The following NRCAM variants were observed in gnomAD, a reference collection of about 807,000 sequenced individuals.
The protein encoded by NRCAM is NgCAM-related cell adhesion molecule.
NRCAM carries 83 observed loss-of-function variants against 156.5 expected under a neutral mutation model. The observed-to-expected ratio is 0.53, with a 90% CI of 0.44 to 0.64. The LOEUF is 0.64. Among genes scored for constraint, NRCAM ranks in the 30% least tolerant of loss-of-function variants. NRCAM has a pLI of 0.00. For synonymous variants in NRCAM, 538 were observed against 563.9 expected (o/e 0.95, Z 0.65); for missense variants, 1,417 against 1,597.3 (o/e 0.89, Z 1.92).
intron 1 of NRCAM, among the ~76,000 whole-genome samples, chr7:108,427,611 T>C (rs1415483858): frequency 6.6e-6 from 1 of 152,210 alleles, no homozygotes; most frequent in Non-Finnish European, 1.5e-5. Flanking sequence ...TTTACCATGC[T>C]CACTTCACTA....
chr7:108,183,299 T>A (rs1203491952), intron 22 of NRCAM, among the ~76,000 whole-genome samples: 2 of 149,936 alleles, frequency 1.3e-5, no homozygotes, highest in Non-Finnish European at 3.0e-5. Flanking sequence ...AAACTTAGAC[T>A]GTTTTCCTCT....
chr7:108,277,496 C>A (rs777996198), intron 3 of NRCAM, among the ~76,000 whole-genome samples: 16 of 151,886 alleles, frequency 1.1e-4, no homozygotes, highest in Non-Finnish European at 1.9e-4. Flanking sequence ...GGTCTTCAAT[C>A]ACTGATATCC....
intron 2 of NRCAM, among the ~76,000 whole-genome samples, chr7:108,391,250 G>T (rs1427144447): frequency 6.6e-6 from 1 of 151,908 alleles, no homozygotes; most frequent in Admixed American, 6.6e-5. Context: ...TATGAATCTG[G>T]GTGCTCCTGT....
At chr7:108,179,335 G>A (rs1030222738) in intron 25 of NRCAM, among the ~76,000 whole-genome samples, 3 of 152,166 alleles carry the variant, frequency 2.0e-5, no homozygotes, top group Non-Finnish European at 4.4e-5. Context: ...GAGCTGGGAT[G>A]CAGGGTGGTT....
rs145021881 is a variant in NRCAM at position 108,412,622 on chromosome 7, G to C, written c.-331-13029C>G. 5.5e-4 allele frequency among the ~76,000 whole-genome samples: 83 copies of C among 152,186 alleles called. 1 individual carries two copies. Among genetic ancestry groups the C allele is most frequent in the Non-Finnish European group, 2.1e-4 (14 of 67,990 alleles). On this transcript the variant is annotated intron_variant, in intron 1 of 32. Transcript: ENST00000379028. The stretch of plus-strand genomic sequence containing the variant: ...ATATGTTAATAACTATAGTCATCAT[G>C]TTTTATAACAGATCTCTTGAATTTA...
chr7:108,221,188 C>CA (rs2092132158), intron 11 of NRCAM, among the ~76,000 whole-genome samples: 1 of 152,086 alleles, frequency 6.6e-6, no homozygotes, highest in African/African-American at 2.4e-5. Context: ...ACCAAAAAAT[C>CA]AAAAAAACAG....
At chr7:108,184,137 C>T (rs1308009077) in intron 22 of NRCAM, 104 bp downstream of exon 22, 6 of 658,412 alleles carry the variant, frequency 9.1e-6, no homozygotes, top group African/African-American at 4.0e-5. Flanking sequence ...TATTTTTTTT[C>T]CCCAGAAATA....
chr7:108,360,408 A>G (rs988015989), intron 2 of NRCAM, among the ~76,000 whole-genome samples: 1 of 152,228 alleles, frequency 6.6e-6, no homozygotes, highest in Admixed American at 6.5e-5. Context: ...GAATAAATAC[A>G]AATGAACATG....
At chr7:108,259,108 C>T (rs145747404) in intron 3 of NRCAM, among the ~76,000 whole-genome samples, 1 of 152,340 alleles carries the variant, frequency 6.6e-6, no homozygotes, top group Admixed American at 6.5e-5. Context: ...TTTTCATCAT[C>T]ACAGAAAATT....
At chr7:108,382,894 T>C (rs1441290191) in intron 2 of NRCAM, among the ~76,000 whole-genome samples, 1 of 152,156 alleles carries the variant, frequency 6.6e-6, no homozygotes, top group African/African-American at 2.4e-5. Flanking sequence ...TTCAATGACC[T>C]CTCTCATCAC....
At chr7:108,342,785 CAG>C (rs2099306388) in intron 2 of NRCAM, among the ~76,000 whole-genome samples, 1 of 152,196 alleles carries the variant, frequency 6.6e-6, no homozygotes, top group Non-Finnish European at 1.5e-5. Flanking sequence ...GTATCTGAAG[CAG>C]TTAAAGTAAT....
intron 23 of NRCAM, 149 bp downstream of exon 23, chr7:108,182,546 T>G: frequency 1.5e-6 from 1 of 668,480 alleles, no homozygotes; most frequent in Non-Finnish European, 2.6e-6. Flanking sequence ...AACTTCTCTT[T>G]CTTACACAGC....
Position 108,324,877 on chromosome 7 carries a change from CTTTTTTTTTTTT to C in NRCAM, c.-173-12158_-173-12147del, listed in dbSNP as rs60553976. On this transcript the variant is annotated intron_variant, in intron 2 of 32. Coordinates refer to ENST00000379028, the MANE Select transcript of NRCAM (RefSeq NM_001037132.4). Reference sequence around the variant, plus strand: ...TGTTTGTGTAATATTTGGCACTGTACTTTTTTTTTTTTTTTTTTTTTTTTTTTTAGCTTTAGC... The same window carrying C: ...TGTTTGTGTAATATTTGGCACTGTACTTTTTTTTTTTTTTTTAGCTTTAGC... 4.1e-3 allele frequency among the ~76,000 whole-genome samples: 336 copies of C among 82,692 alleles called. 3 individuals are homozygous for C. Among genetic ancestry groups the C allele is most frequent in the African/African-American group, 0.017 (326 of 19,568 alleles). The allele number at this position is 82,692 out of a possible 152,430, so 54.2% of individuals were successfully genotyped here. A position where few individuals can be genotyped will look rare whatever the true frequency, so the allele number is the denominator to read the frequency against.
At chr7:108,415,206 T>C (rs771012362) in intron 1 of NRCAM, among the ~76,000 whole-genome samples, 18 of 152,182 alleles carry the variant, frequency 1.2e-4, no homozygotes, top group Non-Finnish European at 1.8e-4. Context: ...ATATCTGCCA[T>C]CTGACAACAG....
chr7:108,310,944 A>G (rs1357802372), intron 3 of NRCAM, among the ~76,000 whole-genome samples: 1 of 152,188 alleles, frequency 6.6e-6, no homozygotes, highest in Non-Finnish European at 1.5e-5. Flanking sequence ...GAGATTTTCA[A>G]TCGAGTACCC....
intron 1 of NRCAM, among the ~76,000 whole-genome samples, chr7:108,402,842 C>T (rs1477682266): frequency 2.0e-5 from 3 of 152,190 alleles, no homozygotes; most frequent in Non-Finnish European, 2.9e-5. Context: ...TACGCTAGAA[C>T]AAAGACAATA....
chr7:108,325,086 G>T (rs976323838), intron 2 of NRCAM, among the ~76,000 whole-genome samples: 1 of 151,768 alleles, frequency 6.6e-6, no homozygotes, highest in Non-Finnish European at 1.5e-5. Flanking sequence ...ACTACTCAAA[G>T]GGAAGATTCT....
intron 1 of NRCAM, among the ~76,000 whole-genome samples, chr7:108,406,376 C>T (rs145054689): frequency 5.9e-5 from 9 of 152,230 alleles, no homozygotes; most frequent in African/African-American, 2.2e-4. Flanking sequence ...GTAAACAGAG[C>T]CAAGGCCTCA....
intron 2 of NRCAM, among the ~76,000 whole-genome samples, chr7:108,350,677 C>T (rs768022635): frequency 6.8e-5 from 10 of 147,368 alleles, no homozygotes; most frequent in Non-Finnish European, 1.2e-4. Context: ...AAAAAAATTA[C>T]TTGCACTCAA....
Sources: allele counts gnomAD v4.1 joint callset (sites outside exome capture counted in the v4.1 genomes callset), GRCh38; gene constraint gnomAD v4.1.1; transcripts MANE v1.5; gene names NCBI Gene and HGNC (gene_info 2026-07-23, HGNC 2026-07-21).